Variants in DCC observed in about 807,000 individuals in gnomAD.
DCC encodes netrin receptor DCC.
Under a neutral mutation model 172.5 loss-of-function variants are expected in DCC, and 58 were observed. The observed-to-expected ratio is 0.34, with a 90% CI of 0.27 to 0.42. The LOEUF (loss-of-function observed/expected upper bound fraction) is 0.42. Ranked by LOEUF, DCC falls within the 10% of genes least tolerant of loss-of-function variation. The probability of loss-of-function intolerance (pLI) is 1.00; values close to 1 mark genes in which losing one functional copy is unlikely to be tolerated. For synonymous variants in DCC, 709 were observed against 644.5 expected, an observed-to-expected ratio of 1.10 and a Z score of -1.52; for missense variants, 1,740 against 1,791.0, an observed-to-expected ratio of 0.97 and a Z score of 0.51.
intron 1 of DCC, among the ~76,000 whole-genome samples, chr18:52,641,123 C>G (rs2034883453): frequency 6.6e-6 from 1 of 152,096 alleles, no homozygotes; most frequent in African/African-American, 2.4e-5. Context: ...GGAAGGGACG[C>G]CCTTTTCAAC....
chr18:52,596,921 G>A (rs1023787559), intron 1 of DCC, among the ~76,000 whole-genome samples: 3 of 152,046 alleles, frequency 2.0e-5, no homozygotes, highest in African/African-American at 4.8e-5. Context: ...CCTGAGCTTC[G>A]CTTTCCTTGC....
intron 7 of DCC, among the ~76,000 whole-genome samples, chr18:53,104,495 C>T (rs2043217096): frequency 6.6e-6 from 1 of 152,046 alleles, no homozygotes; most frequent in African/African-American, 2.4e-5. Flanking sequence ...GAGGCCTCCC[C>T]AGCCATGTGG....
At chr18:52,965,057 C>G (rs1047704726) in intron 5 of DCC, 2 of 152,058 alleles carry the variant, frequency 1.3e-5, no homozygotes, top group South Asian at 4.1e-4. Context: ...TTGAGGCCAC[C>G]CAGATAATCC....
intron 1 of DCC, among the ~76,000 whole-genome samples, chr18:52,584,869 T>G (rs1477724563): frequency 6.6e-6 from 1 of 151,982 alleles, no homozygotes. Context: ...GTAATCTACC[T>G]CACTTAATCA....
At chr18:53,443,563 T>G (rs1320417721) in intron 22 of DCC, among the ~76,000 whole-genome samples, 2 of 152,206 alleles carry the variant, frequency 1.3e-5, no homozygotes, top group Non-Finnish European at 2.9e-5. Context: ...CTGCAGCCCA[T>G]GGATCAATGA....
At chr18:53,016,775 CTAACTA>C (rs2143901945) in intron 5 of DCC, among the ~76,000 whole-genome samples, 1 of 152,200 alleles carries the variant, frequency 6.6e-6, no homozygotes, top group African/African-American at 2.4e-5. Flanking sequence ...CAAAGAATAT[CTAACTA>C]TATTTGTTTT....
intron 1 of DCC, among the ~76,000 whole-genome samples, chr18:52,538,951 T>G (rs986195657): frequency 1.3e-5 from 2 of 152,182 alleles, no homozygotes; most frequent in African/African-American, 4.8e-5. Flanking sequence ...GCCTCGGTAC[T>G]GAGGTTGGTT....
At chr18:53,506,003 C>G (rs938875622) in intron 27 of DCC, among the ~76,000 whole-genome samples, 3 of 152,170 alleles carry the variant, frequency 2.0e-5, no homozygotes, top group African/African-American at 7.2e-5. Context: ...TATACTTTGT[C>G]ACCTTTTTAT....
chr18:53,270,213 C>T (rs948654046), intron 12 of DCC, among the ~76,000 whole-genome samples: 1 of 152,028 alleles, frequency 6.6e-6, no homozygotes, highest in Non-Finnish European at 1.5e-5. Flanking sequence ...GCAGTTTGAC[C>T]ACTTACCTCA....
At chr18:52,401,493 A>C (rs1199027057) in intron 1 of DCC, among the ~76,000 whole-genome samples, 2 of 152,042 alleles carry the variant, frequency 1.3e-5, no homozygotes, top group Non-Finnish European at 2.9e-5. Flanking sequence ...CAGAGAAACC[A>C]CAACAAACTG....
chr18:53,288,158 A>T (rs1779934546), intron 12 of DCC, among the ~76,000 whole-genome samples: 2 of 152,180 alleles, frequency 1.3e-5, no homozygotes, highest in East Asian at 1.9e-4. Flanking sequence ...CTTATTGTGC[A>T]TAAAAAAGTA....
In DCC at chr18:53,386,080, T is replaced by G; in HGVS notation, c.2397T>G (p.Phe799Leu). 6.2e-7 allele frequency: 1 copy of G among 1,613,282 alleles called. No individual in the cohort carries two copies. The highest frequency in any genetic ancestry group is 8.5e-7 in the Non-Finnish European group (1 of 1,179,272). Residue 799 changes from phenylalanine (F) to leucine (L), a missense_variant, in exon 16 of 29, where the codon TTT becomes TTG. Physicochemically the swap from Phe to Leu is conservative, Grantham distance 22. Around this residue, in one of 2 missense-constraint regions of DCC, gnomAD observed 1,732 missense variants for 1,767.4 expected, o/e 0.98. Transcript: ENST00000442544. Reference sequence around the variant, plus strand: ...ATTATGTAATCTCCCTAAAAGCTTTTAACAATGCCGGAGAAGGAGTTCCTC... The same window carrying G: ...ATTATGTAATCTCCCTAAAAGCTTTGAACAATGCCGGAGAAGGAGTTCCTC... The part of the protein sequence containing the change: ...SSHYVISLKA[F>L]NNAGEGVPLY...
At chr18:52,624,874 C>A (rs199714188) in intron 1 of DCC, among the ~76,000 whole-genome samples, 1 of 152,106 alleles carries the variant, frequency 6.6e-6, no homozygotes, top group African/African-American at 2.4e-5. Flanking sequence ...ATTTGGCTTA[C>A]GCAGATCGTA....
At chr18:53,454,457 A>G (rs2045458986) in intron 23 of DCC, among the ~76,000 whole-genome samples, 1 of 152,226 alleles carries the variant, frequency 6.6e-6, no homozygotes. Flanking sequence ...TATTAGTTAG[A>G]CTTTATCCAC....
intron 15 of DCC, among the ~76,000 whole-genome samples, chr18:53,341,660 G>C (rs772455428): frequency 7.9e-5 from 12 of 152,052 alleles, no homozygotes; most frequent in Non-Finnish European, 1.6e-4. Context: ...GCATGTTGTT[G>C]TTCATTAAAT....
At chr18:53,005,294 T>A (rs1264917868) in intron 5 of DCC, among the ~76,000 whole-genome samples, 1 of 152,190 alleles carries the variant, frequency 6.6e-6, no homozygotes, top group African/African-American at 2.4e-5. Flanking sequence ...TTGGAATATT[T>A]TAGGAATAAC....
chr18:52,361,289 C>CT (rs1225722649), intron 1 of DCC, among the ~76,000 whole-genome samples: 2 of 152,126 alleles, frequency 1.3e-5, no homozygotes, highest in African/African-American at 2.4e-5. Flanking sequence ...TTTGTTCAGT[C>CT]TTTTTTGTCT....
intron 2 of DCC, among the ~76,000 whole-genome samples, chr18:52,884,691 A>C (rs1424715323): frequency 6.6e-6 from 1 of 152,118 alleles, no homozygotes; most frequent in Non-Finnish European, 1.5e-5. Flanking sequence ...TGCAGAATTG[A>C]TCCCTGGTGC....
At chr18:53,251,483 T>G (rs1281945527) in intron 12 of DCC, among the ~76,000 whole-genome samples, 1 of 151,958 alleles carries the variant, frequency 6.6e-6, no homozygotes, top group African/African-American at 2.4e-5. Flanking sequence ...TTTGTGCATT[T>G]ATATGCTAAA....
Sources: gnomAD v4.1 joint callset for allele counts (sites outside exome capture counted in the v4.1 genomes callset) on GRCh38, gnomAD v4.1.1 for gene constraint, gnomAD v4.1.1 regional missense constraint, MANE v1.5 for transcripts, NCBI Gene and HGNC (gene_info 2026-07-23, HGNC 2026-07-21) for gene names.